The following DCP1A variants were observed in gnomAD, a reference collection of about 807,000 sequenced individuals.
The protein encoded by DCP1A is mRNA-decapping enzyme 1A.
In DCP1A, 20 loss-of-function variants were observed where a neutral mutation model predicts 58.0. The ratio of observed to expected loss-of-function variants is 0.34; its 90% CI spans 0.24 to 0.50. The LOEUF is 0.50. Ranked by LOEUF, DCP1A falls within the 20% of genes least tolerant of loss-of-function variation. DCP1A has a pLI of 0.98. For synonymous variants in DCP1A, 285 were observed against 275.1 expected, an observed-to-expected ratio of 1.04 and a Z score of -0.36; for missense variants, 613 against 712.2, an observed-to-expected ratio of 0.86 and a Z score of 1.59.
intron 3 of DCP1A, among the ~76,000 whole-genome samples, chr3:53,323,921 C>T (rs1374942289): frequency 6.8e-6 from 1 of 147,948 alleles, no homozygotes; most frequent in African/African-American, 2.5e-5. Flanking sequence ...GAGAGGAACA[C>T]ACAATTTTTT....
chr3:53,344,573 T>C (rs2106903853), intron 2 of DCP1A, among the ~76,000 whole-genome samples: 1 of 152,332 alleles, frequency 6.6e-6, no homozygotes, highest in African/African-American at 2.4e-5. Context: ...AGTCTATGTA[T>C]TGTCTTTTCC....
chr3:53,335,209 C>T (rs977589695), intron 3 of DCP1A, among the ~76,000 whole-genome samples: 1 of 151,798 alleles, frequency 6.6e-6, no homozygotes, highest in African/African-American at 2.4e-5. Flanking sequence ...GGCATCATCC[C>T]GGCTCACTGC....
rs1706626741 is a variant in DCP1A, at chr3:53,286,162, T to C, written c.*1418A>G. The C allele has an allele frequency of 6.6e-6, 1 of 152,222 alleles. No individual in the cohort carries two copies. The highest frequency in any genetic ancestry group is 1.5e-5 in the Non-Finnish European group (1 of 68,032). The allele number at this position is 152,222 out of a possible 1,614,324, so 9.4% of individuals were successfully genotyped here. On this transcript the variant is annotated 3_prime_UTR_variant, in exon 10 of 10. Coordinates refer to ENST00000610213, the MANE Select transcript of DCP1A (RefSeq NM_018403.7). Reference sequence around the variant, plus strand: ...AAAAAATAATCTATGGACTTATGATTGAGTTACCATTAAAGCTTAAATGAT... The same window carrying C: ...AAAAAATAATCTATGGACTTATGATCGAGTTACCATTAAAGCTTAAATGAT...
Position 53,286,144 on chromosome 3 carries a change from A to C in DCP1A, c.*1436T>G, listed in dbSNP as rs1706625970. The C allele has an allele frequency of 6.6e-6, 1 of 152,234 alleles. No homozygotes were observed. The highest frequency in any genetic ancestry group is 1.5e-5 in the Non-Finnish European group (1 of 68,040). The allele number at this position is 152,234 out of a possible 1,614,324, so 9.4% of individuals were successfully genotyped here. On this transcript the variant is annotated 3_prime_UTR_variant, in exon 10 of 10. Coordinates refer to ENST00000610213, the MANE Select transcript of DCP1A (RefSeq NM_018403.7). ...TCTAAAATTTTAGCTAGAAAAAAAT[A>C]ATCTATGGACTTATGATTGAGTTAC...
chr3:53,344,649 T>C lies in DCP1A; in HGVS notation c.176+253A>G, dbSNP rs142943360. Reference sequence around the variant, plus strand: ...GGAAGAGAGACGCAGGCATCCATTTTAGACTCAATCATTATTATTTTGAAA... The same window carrying C: ...GGAAGAGAGACGCAGGCATCCATTTCAGACTCAATCATTATTATTTTGAAA... On this transcript the variant is annotated intron_variant, in intron 2 of 9. Transcript: ENST00000610213. 6.4e-4 allele frequency among the ~76,000 whole-genome samples: 97 copies of C among 152,350 alleles called. No individual in the cohort carries two copies. The East Asian group carries it at 0.016, about 25-fold the overall frequency.
chr3:53,338,733 C>T (rs945155984), intron 3 of DCP1A, among the ~76,000 whole-genome samples: 7 of 151,132 alleles, frequency 4.6e-5, no homozygotes, highest in Non-Finnish European at 1.0e-4. Context: ...TGGTGGTGGG[C>T]GCCTGTAGTC....
At chr3:53,343,462 C>A (rs963483184) in intron 2 of DCP1A, among the ~76,000 whole-genome samples, 2 of 152,168 alleles carry the variant, frequency 1.3e-5, no homozygotes, top group Non-Finnish European at 2.9e-5. Flanking sequence ...CTACTTTCTA[C>A]AATCAGTGCC....
chr3:53,288,759 G>A (rs1247505497), intron 8 of DCP1A, among the ~76,000 whole-genome samples: 1 of 152,142 alleles, frequency 6.6e-6, no homozygotes, highest in Admixed American at 6.5e-5. Flanking sequence ...TGTTTTGGCT[G>A]GGCGCAGTGG....
At chr3:53,290,974 GT>G in intron 7 of DCP1A, 118 bp from the exon 8 acceptor site, 2 of 878,114 alleles carry the variant, frequency 2.3e-6, no homozygotes. Flanking sequence ...ACAGAAAATG[GT>G]TCAGATATTA....
rs951363977 is a variant in DCP1A, at chr3:53,326,135, C to G, written c.305-6662G>C. Among the ~76,000 whole-genome samples the G allele has an allele frequency of 6.6e-5, 10 of 152,298 alleles. No homozygotes were observed. In the East Asian group the frequency reaches 1.9e-3, roughly 29 times the overall value. Reference sequence around the variant, plus strand: ...TTTATCATTTAAAAATTTGGTGCCTCTGTCTAAATTAAATCAAATCTGAAT... The same window carrying G: ...TTTATCATTTAAAAATTTGGTGCCTGTGTCTAAATTAAATCAAATCTGAAT... On this transcript the variant is annotated intron_variant, in intron 3 of 9. Coordinates refer to ENST00000610213, the MANE Select transcript of DCP1A (RefSeq NM_018403.7).
chr3:53,322,436 A>T (rs1231134282), intron 3 of DCP1A, among the ~76,000 whole-genome samples: 2 of 151,620 alleles, frequency 1.3e-5, no homozygotes, highest in Non-Finnish European at 2.9e-5. Flanking sequence ...GGGCAACAAG[A>T]GTGAAACTCT....
chr3:53,341,004 G>GC lies in DCP1A; in HGVS notation c.304+1139dup, dbSNP rs781876362. The stretch of plus-strand genomic sequence containing the variant: ...AGGTAACTGTATCGTTAACATTAAA[G>GC]CACCACAGCTCTTGGCTCAGTGCTG... On this transcript the variant is annotated intron_variant, in intron 3 of 9. Coordinates refer to ENST00000610213, the MANE Select transcript of DCP1A (RefSeq NM_018403.7). Among the ~76,000 whole-genome samples, 38 of 152,122 alleles carry GC rather than the reference G, an allele frequency of 2.5e-4. 1 individual carries two copies. Among genetic ancestry groups the GC allele is most frequent in the Non-Finnish European group, 8.8e-5 (6 of 68,034 alleles).
At chr3:53,309,004 G>A (rs2106829518) in intron 5 of DCP1A, among the ~76,000 whole-genome samples, 1 of 152,194 alleles carries the variant, frequency 6.6e-6, no homozygotes, top group Admixed American at 6.5e-5. Context: ...CAAAATCCAG[G>A]ATTACATCCT....
At chr3:53,296,282 AC>A (rs1460066852) in intron 6 of DCP1A, among the ~76,000 whole-genome samples, 1 of 152,234 alleles carries the variant, frequency 6.6e-6, no homozygotes, top group Non-Finnish European at 1.5e-5. Flanking sequence ...ATGCAAGACA[AC>A]AACAAAACAC....
intron 7 of DCP1A, among the ~76,000 whole-genome samples, chr3:53,291,632 T>C (rs1003408164): frequency 5.3e-5 from 8 of 152,274 alleles, no homozygotes; most frequent in South Asian, 2.1e-4. Flanking sequence ...ATGGCACCTC[T>C]TTATAAGGTG....
chr3:53,319,384 A>G lies in DCP1A; in HGVS notation c.371+23T>C. The G allele has an allele frequency of 2.8e-6, 4 of 1,452,450 alleles. 1 individual carries two copies. The highest frequency in any genetic ancestry group is 3.8e-6 in the Non-Finnish European group (4 of 1,065,474). The allele number at this position is 1,452,450 out of a possible 1,614,324, so 90.0% of individuals were successfully genotyped here. A position where few individuals can be genotyped will look rare whatever the true frequency, so the allele number is the denominator to read the frequency against. On this transcript the variant is annotated intron_variant, in intron 4 of 9. Transcript: ENST00000610213. The stretch of plus-strand genomic sequence containing the variant: ...TTCATTTCTCACATATCATCAGTTA[A>G]ATTTATGGAGTAATATACTTACTCA...
At chr3:53,290,945 T>A in intron 7 of DCP1A, 89 bp from the exon 8 acceptor site, 1 of 1,178,972 alleles carries the variant, frequency 8.5e-7, no homozygotes, top group Non-Finnish European at 1.2e-6. Flanking sequence ...ACTTTCCCAG[T>A]GGAAAATCTA....
chr3:53,313,547 A>G (rs549365041), intron 4 of DCP1A, among the ~76,000 whole-genome samples: 2 of 152,272 alleles, frequency 1.3e-5, no homozygotes, highest in East Asian at 1.9e-4. Context: ...AAGCACATAC[A>G]TATTTTATTA....
At position 53,292,959 on chromosome 3, in the gene DCP1A, C is replaced by A. The variant is rs1479257762; in HGVS notation, c.625-132G>T. ...GTATCAAAATAAGGAACGGAAAAAA[C>A]TGAAGATATACTAAGGATTAAGGCC... is the stretch of plus-strand genomic sequence containing the variant. On this transcript the variant is annotated intron_variant, in intron 6 of 9. Coordinates refer to ENST00000610213, the MANE Select transcript of DCP1A (RefSeq NM_018403.7). 3 of 923,688 alleles carry A rather than the reference C, an allele frequency of 3.2e-6. No individual in the cohort carries two copies. In the African/African-American group the frequency reaches 5.0e-5, roughly 15 times the overall value. 57.2% of individuals were successfully genotyped at this position (923,688 alleles called of 1,614,324 possible). A position where few individuals can be genotyped will look rare whatever the true frequency, so the allele number is the denominator to read the frequency against.
Sources: allele counts gnomAD v4.1 joint callset (sites outside exome capture counted in the v4.1 genomes callset), GRCh38; gene constraint gnomAD v4.1.1; transcripts MANE v1.5; gene names NCBI Gene and HGNC (gene_info 2026-07-23, HGNC 2026-07-21).